The following SPATA18 variants were observed in gnomAD, a reference collection of about 807,000 sequenced individuals.
SPATA18 encodes the protein mitochondria-eating protein.
In SPATA18, 54 loss-of-function variants were observed where a neutral mutation model predicts 68.1. That is an observed-to-expected ratio of 0.79 (90% CI 0.64 to 0.99). The LOEUF is 0.99. SPATA18 is among the 50% of genes least tolerant of loss of function. The probability of loss-of-function intolerance (pLI) is 0.00; values close to 1 mark genes in which losing one functional copy is unlikely to be tolerated. For missense variants in SPATA18, 724 were observed against 681.1 expected, an observed-to-expected ratio of 1.06 and a Z score of -0.70; for synonymous variants, 242 against 244.8, an observed-to-expected ratio of 0.99 and a Z score of 0.11.
At chr4:52,075,673 T>C (rs189288760) in intron 6 of SPATA18, among the ~76,000 whole-genome samples, 71 of 152,326 alleles carry the variant, frequency 4.7e-4, no homozygotes, top group Non-Finnish European at 8.7e-4. Context: ...GTTTTATTAC[T>C]GCCTTTTTCA....
At chr4:52,066,325 T>A (rs1467976255) in intron 4 of SPATA18, among the ~76,000 whole-genome samples, 1 of 152,030 alleles carries the variant, frequency 6.6e-6, no homozygotes, top group Non-Finnish European at 1.5e-5. Flanking sequence ...TAATTTTTTG[T>A]ATTTTTAGTA....
intron 10 of SPATA18, chr4:52,083,399 T>C (rs942745164): frequency 1.0e-6 from 1 of 985,298 alleles, no homozygotes; most frequent in Non-Finnish European, 1.2e-6. Context: ...AAAGGGTTTT[T>C]GTAGCTTAAA....
At chr4:52,087,702 G>A (rs1209177478) in intron 11 of SPATA18, among the ~76,000 whole-genome samples, 2 of 152,054 alleles carry the variant, frequency 1.3e-5, no homozygotes, top group South Asian at 2.1e-4. Context: ...GTCAGGTAGC[G>A]TGATGCCTCT....
intron 1 of SPATA18, among the ~76,000 whole-genome samples, chr4:52,052,331 TG>T (rs1268762667): frequency 2.0e-5 from 3 of 152,208 alleles, no homozygotes; most frequent in Non-Finnish European, 4.4e-5. Flanking sequence ...TGCGTGCTGG[TG>T]GGCCTGGAAA....
rs199656292 is a variant in SPATA18 at position 52,079,816 on chromosome 4, G to A, written c.1252G>A (p.Asp418Asn). ...TGTCGTTGACTTTTGCCTTCTCAGT[G>A]ACTTCATCCAGGAGATATGTTGCAT... ...PPVVDFCLLS[D>N]FIQEICCIAF... The change falls in exon 9 of 13, where the codon GAC becomes AAC. Residue 418 changes from aspartate (D) to asparagine (N), a missense_variant. Asp to Asn is a conservative substitution (Grantham distance 23). Transcript: ENST00000295213. The A allele has an allele frequency of 3.7e-5, 60 of 1,614,048 alleles. No homozygotes were observed. In the Middle Eastern group the frequency reaches 6.6e-4, roughly 18 times the overall value.
rs1238985061 is a variant in SPATA18 at position 52,051,456 on chromosome 4, C to T, written c.-249C>T. ...ATCTATGGCCGGGCTCAGGCGGCTG[C>T]TGGGGAGCCAGGAGACCGCGCGGGA... On this transcript the variant is annotated 5_prime_UTR_variant, in exon 1 of 13. Transcript: ENST00000295213. 7 of 528,212 alleles carry T rather than the reference C, an allele frequency of 1.3e-5. No individual in the cohort carries two copies. The Admixed American group carries it at 2.2e-4, about 17-fold the overall frequency. The allele number at this position is 528,212 out of a possible 1,614,324, so 32.7% of individuals were successfully genotyped here.
intron 4 of SPATA18, among the ~76,000 whole-genome samples, chr4:52,069,489 A>G (rs530510783): frequency 6.6e-6 from 1 of 152,312 alleles, no homozygotes; most frequent in African/African-American, 2.4e-5. Context: ...TGGGGCTTTG[A>G]TGTAATTAGA....
intron 1 of SPATA18, among the ~76,000 whole-genome samples, 161 bp downstream of exon 1, chr4:52,051,952 A>G (rs925008264): frequency 6.6e-6 from 1 of 152,196 alleles, no homozygotes; most frequent in African/African-American, 2.4e-5. Context: ...TCGCTGGGGA[A>G]GGAAGGACAT....
intron 6 of SPATA18, among the ~76,000 whole-genome samples, chr4:52,075,974 G>T (rs190035941): frequency 6.6e-6 from 1 of 152,308 alleles, no homozygotes; most frequent in African/African-American, 2.4e-5. Flanking sequence ...AGGGATCCAG[G>T]CTAAATGAAC....
chr4:52,052,733 T>G (rs1738008563), intron 1 of SPATA18, among the ~76,000 whole-genome samples: 1 of 152,250 alleles, frequency 6.6e-6, no homozygotes, highest in African/African-American at 2.4e-5. Flanking sequence ...CTAGATGATA[T>G]GTAAATTTCC....
chr4:52,094,140 A>G (rs1301328137), intron 11 of SPATA18, among the ~76,000 whole-genome samples: 1 of 152,174 alleles, frequency 6.6e-6, no homozygotes, highest in African/African-American at 2.4e-5. Flanking sequence ...TGAAAGATGA[A>G]GATTTTCTGG....
chr4:52,055,417 C>T (rs1033544043), intron 1 of SPATA18, among the ~76,000 whole-genome samples: 4 of 152,140 alleles, frequency 2.6e-5, no homozygotes, highest in African/African-American at 9.7e-5. Flanking sequence ...AGGCATTGTC[C>T]CCTAGAACAT....
intron 6 of SPATA18, among the ~76,000 whole-genome samples, chr4:52,073,611 A>T (rs144823636): frequency 8.7e-4 from 133 of 152,310 alleles, no homozygotes; most frequent in African/African-American, 3.0e-3. Flanking sequence ...ATCTCTAAAA[A>T]AAGTTAAAAA....
chr4:52,072,702 G>A (rs905414376), intron 6 of SPATA18, among the ~76,000 whole-genome samples: 5 of 152,160 alleles, frequency 3.3e-5, no homozygotes, highest in South Asian at 2.1e-4. Flanking sequence ...CACCACGCCC[G>A]GCTATAAGGA....
intron 4 of SPATA18, among the ~76,000 whole-genome samples, chr4:52,062,732 G>A (rs1004541386): frequency 6.6e-6 from 1 of 152,202 alleles, no homozygotes; most frequent in Non-Finnish European, 1.5e-5. Flanking sequence ...ATCAGGCAAA[G>A]AGGAGAATTA....
At chr4:52,081,883 C>G (rs559000400) in intron 9 of SPATA18, among the ~76,000 whole-genome samples, 8 of 20,738 alleles carry the variant, frequency 3.9e-4, no homozygotes, top group African/African-American at 4.8e-4. Flanking sequence ...TTTCATACAA[C>G]TCATTCATAA....
At chr4:52,092,433 A>G (rs1742047758) in intron 11 of SPATA18, among the ~76,000 whole-genome samples, 1 of 152,032 alleles carries the variant, frequency 6.6e-6, no homozygotes, top group Non-Finnish European at 1.5e-5. Context: ...TCAGGCTCAG[A>G]CCCTCACGGC....
intron 1 of SPATA18, among the ~76,000 whole-genome samples, chr4:52,058,867 T>C (rs925202260): frequency 6.6e-6 from 1 of 152,238 alleles, no homozygotes; most frequent in African/African-American, 2.4e-5. Flanking sequence ...ACTTAACCTC[T>C]CTGTGCCTCA....
At chr4:52,067,009 A>T (rs563975646) in intron 4 of SPATA18, among the ~76,000 whole-genome samples, 2 of 152,200 alleles carry the variant, frequency 1.3e-5, no homozygotes, top group African/African-American at 4.8e-5. Context: ...TCCCTTGGGT[A>T]TATACCCAGT....
Sources: allele counts gnomAD v4.1 joint callset (sites outside exome capture counted in the v4.1 genomes callset), GRCh38; gene constraint gnomAD v4.1.1; transcripts MANE v1.5; gene names NCBI Gene and HGNC (gene_info 2026-07-23, HGNC 2026-07-21).